The following SCAPER variants were observed in gnomAD, a reference collection of about 807,000 sequenced individuals.
The protein encoded by SCAPER is S phase cyclin A-associated protein in the endoplasmic reticulum.
In SCAPER, 98 loss-of-function variants were observed where a neutral mutation model predicts 182.2. The observed-to-expected ratio is 0.54, with a 90% CI of 0.46 to 0.64. The LOEUF (loss-of-function observed/expected upper bound fraction) is 0.64. SCAPER is among the 30% of genes least tolerant of loss of function. SCAPER has a pLI of 0.00. For synonymous variants in SCAPER, 605 were observed against 564.6 expected (o/e 1.07, Z -1.01); for missense variants, 1,432 against 1,690.0 (o/e 0.85, Z 2.68).
intron 29 of SCAPER, among the ~76,000 whole-genome samples, chr15:76,362,598 A>G (rs750333271): frequency 3.3e-5 from 5 of 151,842 alleles, no homozygotes; most frequent in Non-Finnish European, 7.4e-5. Context: ...TCCTTAGTAG[A>G]GATGGGGTTT....
chr15:76,413,736 C>T (rs900363699), intron 26 of SCAPER, among the ~76,000 whole-genome samples: 3 of 152,196 alleles, frequency 2.0e-5, no homozygotes, highest in African/African-American at 7.2e-5. Flanking sequence ...GGGGTTTCCT[C>T]AGCTGTGATG....
At chr15:76,621,871 A>G in intron 21 of SCAPER, 42 bp from the exon 22 acceptor site, 2 of 1,415,348 alleles carry the variant, frequency 1.4e-6, no homozygotes, top group South Asian at 1.2e-5. Flanking sequence ...TTCACTGCTA[A>G]TTTTTATAAT....
At chr15:76,838,679 G>C (rs1312728587) in intron 5 of SCAPER, among the ~76,000 whole-genome samples, 3 of 152,132 alleles carry the variant, frequency 2.0e-5, no homozygotes, top group Admixed American at 6.6e-5. Context: ...AGCCTCCAGA[G>C]ACACACATCT....
intron 24 of SCAPER, among the ~76,000 whole-genome samples, chr15:76,486,160 T>C (rs2051629449): frequency 6.6e-6 from 1 of 151,978 alleles, no homozygotes; most frequent in Non-Finnish European, 1.5e-5. Flanking sequence ...TGAGCCGAGA[T>C]CACGCCACTG....
Position 76,765,620 on chromosome 15 carries a change from T to C in SCAPER, c.1438A>G (p.Ser480Gly). 1 of 1,582,322 alleles carries C rather than the reference T, an allele frequency of 6.3e-7. No homozygotes were observed. The highest frequency in any genetic ancestry group is 1.3e-5 in the African/African-American group (1 of 74,394). The change falls in exon 12 of 32, where the codon AGT becomes GGT. Residue 480 changes from serine to glycine, a missense_variant. Ser to Gly is a moderately conservative substitution (Grantham distance 56). This residue lies in a region of SCAPER where 128 missense variants were observed against 149.9 expected (regional missense o/e 0.85). Transcript: ENST00000563290. Reference sequence around the variant, plus strand: ...ATGGACATACCACAGAAAGAAACACTCCCACTGCCCATGCTGGCCTAAAAT... The same window carrying C: ...ATGGACATACCACAGAAAGAAACACCCCCACTGCCCATGCTGGCCTAAAAT... ...SDFSASMGSGSVSFCGMSMDW... is the reference protein window; with the variant it reads ...SDFSASMGSGGVSFCGMSMDW...
At chr15:76,719,323 A>T (rs563353453) in intron 17 of SCAPER, among the ~76,000 whole-genome samples, 2 of 152,318 alleles carry the variant, frequency 1.3e-5, no homozygotes, top group African/African-American at 4.8e-5. Context: ...CTTATATGTG[A>T]AATCTTAAAA....
chr15:76,575,160 G>T (rs1358174181), intron 22 of SCAPER, among the ~76,000 whole-genome samples: 2 of 152,002 alleles, frequency 1.3e-5, no homozygotes, highest in African/African-American at 4.8e-5. Context: ...CATTCTCAAT[G>T]TCTTGCATGC....
rs774928280 is a variant in SCAPER at position 76,665,735 on chromosome 15, G to C, written c.2563C>G (p.Pro855Ala). ...IIDIVVESTAPAEALKDGEER... is the reference protein window; with the variant it reads ...IIDIVVESTAAAEALKDGEER... ...TCTCCATCTTTCAAAGCTTCTGCTG[G>C]AGCTGTACTTTCAACCACAATGTCA... The change falls in exon 21 of 32, where the codon CCA (proline) becomes GCA (alanine). Residue 855 changes from proline (P) to alanine (A), a missense_variant. By Grantham distance (27) the Pro-to-Ala change is conservative. This residue lies in a region of SCAPER where 718 missense variants were observed against 799.7 expected (regional missense o/e 0.90). Transcript: ENST00000563290. The C allele has an allele frequency of 6.4e-7, 1 of 1,555,886 alleles. No homozygotes were observed. The highest frequency in any genetic ancestry group is 1.4e-5 in the African/African-American group (1 of 73,498).
intron 23 of SCAPER, among the ~76,000 whole-genome samples, chr15:76,541,828 T>C (rs1188937560): frequency 1.3e-5 from 2 of 152,208 alleles, no homozygotes; most frequent in Admixed American, 6.5e-5. Context: ...CCTAGAAACA[T>C]ATATGATAAA....
intron 20 of SCAPER, among the ~76,000 whole-genome samples, chr15:76,687,619 C>T (rs561976050): frequency 7.3e-4 from 111 of 152,176 alleles, no homozygotes; most frequent in Non-Finnish European, 1.0e-3. Flanking sequence ...GGCCCCGGTG[C>T]GTGATGTTCC....
At chr15:76,556,850 T>TA (rs2046234079) in intron 23 of SCAPER, among the ~76,000 whole-genome samples, 1 of 152,120 alleles carries the variant, frequency 6.6e-6, no homozygotes, top group African/African-American at 2.4e-5. Flanking sequence ...CTTCTATATC[T>TA]AAAAAATCCC....
At chr15:76,774,482 C>A in intron 9 of SCAPER, 1 of 312,902 alleles carries the variant, frequency 3.2e-6, no homozygotes. Context: ...ACATAGATAT[C>A]AAATTCTCCA....
chr15:76,390,886 T>C (rs971877562), intron 27 of SCAPER, among the ~76,000 whole-genome samples: 1 of 152,208 alleles, frequency 6.6e-6, no homozygotes, highest in African/African-American at 2.4e-5. Flanking sequence ...GCATTAAGAT[T>C]CCAGTACCCT....
intron 23 of SCAPER, among the ~76,000 whole-genome samples, chr15:76,561,713 T>C (rs1471420013): frequency 1.3e-5 from 2 of 149,664 alleles, no homozygotes; most frequent in Non-Finnish European, 3.0e-5. Flanking sequence ...AGTCTCTACC[T>C]CACTTTTTTT....
At chr15:76,903,711 C>A (rs1403609798) in intron 1 of SCAPER, among the ~76,000 whole-genome samples, 1 of 152,080 alleles carries the variant, frequency 6.6e-6, no homozygotes, top group Non-Finnish European at 1.5e-5. Context: ...ACCAAAGACA[C>A]ATAGAGTATA....
chr15:76,859,653 A>G (rs1381403797), intron 3 of SCAPER, among the ~76,000 whole-genome samples: 1 of 152,204 alleles, frequency 6.6e-6, no homozygotes, highest in African/African-American at 2.4e-5. Flanking sequence ...AAATGTTAAT[A>G]TTCTTCTTTT....
chr15:76,798,477 AG>A (rs759497004), intron 7 of SCAPER, among the ~76,000 whole-genome samples: 7 of 152,040 alleles, frequency 4.6e-5, no homozygotes, highest in Non-Finnish European at 1.0e-4. Context: ...AGAGAGAGAA[AG>A]GGGCAGAAAA....
chr15:76,795,205 C>T, intron 8 of SCAPER, 75 bp downstream of exon 8: 2 of 1,281,904 alleles, frequency 1.6e-6, no homozygotes, highest in South Asian at 1.7e-5. Context: ...TAAATAGGAC[C>T]AATTTTAAAC....
intron 21 of SCAPER, among the ~76,000 whole-genome samples, chr15:76,661,014 T>C (rs1176246190): frequency 2.0e-5 from 3 of 152,130 alleles, no homozygotes; most frequent in Admixed American, 2.0e-4. Flanking sequence ...AAAACATTAC[T>C]GAAATTTTAT....
Sources: gnomAD v4.1 joint callset for allele counts (sites outside exome capture counted in the v4.1 genomes callset) on GRCh38, gnomAD v4.1.1 for gene constraint, gnomAD v4.1.1 regional missense constraint, MANE v1.5 for transcripts, NCBI Gene and HGNC (gene_info 2026-07-23, HGNC 2026-07-21) for gene names.